Variants in SLC16A7 observed in about 807,000 individuals in gnomAD.
SLC16A7 encodes solute carrier family 16 member 7, also known as monocarboxylate transporter 2.
In SLC16A7, 33 loss-of-function variants were observed where a neutral mutation model predicts 34.9. That is an observed-to-expected ratio of 0.94 (90% CI 0.72 to 1.26). The LOEUF (loss-of-function observed/expected upper bound fraction) is 1.26, where lower values mean the gene tolerates loss of function less well. Among genes scored for constraint, SLC16A7 ranks in the 50% most tolerant of loss-of-function variants. The pLI is 0.00. For synonymous variants in SLC16A7, 201 were observed against 206.6 expected, an observed-to-expected ratio of 0.97 and a Z score of 0.23; for missense variants, 573 against 578.1, an observed-to-expected ratio of 0.99 and a Z score of 0.09.
chr12:59,759,610 G>A (rs1042555743), intron 3 of SLC16A7, among the ~76,000 whole-genome samples: 13 of 151,942 alleles, frequency 8.6e-5, no homozygotes, highest in African/African-American at 2.2e-4. Flanking sequence ...ATTAATGAAT[G>A]TAAATAGACA....
intron 2 of SLC16A7, among the ~76,000 whole-genome samples, chr12:59,680,810 A>G (rs1200340964): frequency 1.3e-5 from 2 of 152,122 alleles, no homozygotes; most frequent in Non-Finnish European, 2.9e-5. Flanking sequence ...AGTTAGGTTG[A>G]TAGTAATAAT....
chr12:59,740,587 A>G (rs1878202999), intron 3 of SLC16A7, among the ~76,000 whole-genome samples: 1 of 152,174 alleles, frequency 6.6e-6, no homozygotes, highest in Non-Finnish European at 1.5e-5. Flanking sequence ...ATCTATGACA[A>G]ACCCACAGCC....
chr12:59,684,471 T>G (rs564907201), intron 2 of SLC16A7, among the ~76,000 whole-genome samples: 6 of 152,300 alleles, frequency 3.9e-5, no homozygotes, highest in African/African-American at 1.2e-4. Context: ...AACCTGGTGC[T>G]CCCCACTCAG....
At chr12:59,761,307 G>A (rs1283312813) in intron 3 of SLC16A7, 1 of 399,596 alleles carries the variant, frequency 2.5e-6, no homozygotes, top group East Asian at 8.4e-5. Context: ...TGATGGTTAG[G>A]TTTCTAACTT....
intron 1 of SLC16A7, among the ~76,000 whole-genome samples, chr12:59,624,013 ATTT>A (rs576798150): frequency 7.3e-4 from 110 of 151,456 alleles, no homozygotes; most frequent in African/African-American, 2.6e-3. Context: ...ATATTTATTT[ATTT>A]ATTGTTTTTT....
chr12:59,757,825 T>C (rs1465492820), intron 3 of SLC16A7, among the ~76,000 whole-genome samples: 1 of 152,118 alleles, frequency 6.6e-6, no homozygotes, highest in Non-Finnish European at 1.5e-5. Flanking sequence ...TAATAGTAAA[T>C]ATACTTTCTC....
In SLC16A7 at chr12:59,777,777, A is replaced by ATATC. The variant is rs546792325; in HGVS notation, c.1181-1644_1181-1641dup. On this transcript the variant is annotated intron_variant, in intron 5 of 5. Coordinates refer to ENST00000547379, the MANE Select transcript of SLC16A7 (RefSeq NM_001270623.2). ...ATTAACTCGTCATTTAGCATTAGGT[A>ATATC]TATCTCCTAAAGCTATCCCTCCCCC... is the stretch of plus-strand genomic sequence containing the variant. 4.8e-3 allele frequency among the ~76,000 whole-genome samples: 722 copies of ATATC among 149,338 alleles called. 8 individuals carry two copies. The highest frequency in any genetic ancestry group is 0.014 in the African/African-American group (561 of 40,854).
chr12:59,629,164 C>T (rs1880068768), intron 1 of SLC16A7, among the ~76,000 whole-genome samples: 1 of 151,736 alleles, frequency 6.6e-6, no homozygotes, highest in African/African-American at 2.4e-5. Flanking sequence ...TATGAAGACC[C>T]CTCTCATCAC....
intron 3 of SLC16A7, among the ~76,000 whole-genome samples, chr12:59,724,479 T>C (rs1875996737): frequency 6.6e-6 from 1 of 152,036 alleles, no homozygotes; most frequent in Non-Finnish European, 1.5e-5. Context: ...AGTAAAAACA[T>C]GTTGCAACAT....
intron 3 of SLC16A7, among the ~76,000 whole-genome samples, chr12:59,713,936 A>G (rs1874562099): frequency 6.6e-6 from 1 of 152,230 alleles, no homozygotes; most frequent in Admixed American, 6.5e-5. Flanking sequence ...AGAATATTAA[A>G]TAGCCATTTA....
At chr12:59,766,560 A>G (rs1239395152) in intron 3 of SLC16A7, among the ~76,000 whole-genome samples, 2 of 152,164 alleles carry the variant, frequency 1.3e-5, no homozygotes, top group East Asian at 3.8e-4. Flanking sequence ...AATTTTGTCA[A>G]AGGCCTTTTC....
chr12:59,752,729 C>A (rs145571043), intron 3 of SLC16A7, among the ~76,000 whole-genome samples: 11,582 of 152,156 alleles, frequency 0.076, 536 homozygotes, highest in South Asian at 0.17. Context: ...GGCAGGCCAA[C>A]ATTCAGGTTC....
intron 2 of SLC16A7, among the ~76,000 whole-genome samples, chr12:59,687,190 A>G (rs1871228668): frequency 6.6e-6 from 1 of 151,862 alleles, no homozygotes; most frequent in Non-Finnish European, 1.5e-5. Context: ...TAACTTGAGA[A>G]TCTTTTACCA....
Position 59,597,696 on chromosome 12 carries a change from A to G in SLC16A7, c.-130+1460A>G, listed in dbSNP as rs559079397. Among the ~76,000 whole-genome samples, 225 of 152,298 alleles carry G rather than the reference A, an allele frequency of 1.5e-3. 1 individual carries two copies. The highest frequency in any genetic ancestry group is 4.8e-3 in the African/African-American group (199 of 41,564). On this transcript the variant is annotated intron_variant, in intron 1 of 5. Transcript: ENST00000547379. ...TGAAGCAATCCTAACTCCAGGTTCT[A>G]CTTCTGACTGAGCAGATTACATTTA...
Position 59,671,817 on chromosome 12 carries a change from A to G in SLC16A7, c.-31+16567A>G, listed in dbSNP as rs866585933. 3.6e-5 allele frequency among the ~76,000 whole-genome samples: 5 copies of G among 140,268 alleles called. 1 individual carries two copies. The highest frequency in any genetic ancestry group is 1.5e-4 in the Admixed American group (2 of 13,506). 92.0% of individuals were successfully genotyped at this position (140,268 alleles called of 152,430 possible). Reference sequence around the variant, plus strand: ...TATATATGTATATATGTGTATATATATGTGTATATGTATATATGTATATAT... The same window carrying G: ...TATATATGTATATATGTGTATATATGTGTGTATATGTATATATGTATATAT... On this transcript the variant is annotated intron_variant, in intron 2 of 5. Transcript: ENST00000547379.
chr12:59,709,924 C>T (rs1477301635), intron 3 of SLC16A7, among the ~76,000 whole-genome samples: 1 of 151,598 alleles, frequency 6.6e-6, no homozygotes, highest in Non-Finnish European at 1.5e-5. Context: ...CTCTGGACAC[C>T]TCCTGGACAA....
intron 1 of SLC16A7, among the ~76,000 whole-genome samples, chr12:59,634,790 C>T (rs142574634): frequency 1.2e-4 from 18 of 152,084 alleles, no homozygotes; most frequent in African/African-American, 2.4e-4. Flanking sequence ...TAAATTAAAA[C>T]AATTTTATCT....
At chr12:59,716,893 G>A (rs1265049032) in intron 3 of SLC16A7, among the ~76,000 whole-genome samples, 1 of 152,008 alleles carries the variant, frequency 6.6e-6, no homozygotes, top group Admixed American at 6.6e-5. Flanking sequence ...TAAATCAAAA[G>A]CATTTAAAGT....
chr12:59,686,698 G>A (rs1027006001), intron 2 of SLC16A7, among the ~76,000 whole-genome samples: 2 of 151,984 alleles, frequency 1.3e-5, no homozygotes, highest in African/African-American at 4.8e-5. Flanking sequence ...GAAAATTCAA[G>A]TTTATCAGAC....
Sources: allele counts gnomAD v4.1 joint callset (sites outside exome capture counted in the v4.1 genomes callset), GRCh38; gene constraint gnomAD v4.1.1; transcripts MANE v1.5; gene names NCBI Gene and HGNC (gene_info 2026-07-23, HGNC 2026-07-21).